MAP4K3: variants seen among roughly 807,000 people sequenced by gnomAD.
MAP4K3 encodes the protein mitogen-activated protein kinase kinase kinase kinase 3, also known as MAPK/ERK kinase kinase kinase 3.
Under a neutral mutation model 143.5 loss-of-function variants are expected in MAP4K3, and 94 were observed. That is an observed-to-expected ratio of 0.65 (90% CI 0.55 to 0.78). The LOEUF (loss-of-function observed/expected upper bound fraction) is 0.78. Ranked by LOEUF, MAP4K3 falls within the 30% of genes least tolerant of loss-of-function variation. MAP4K3 has a pLI of 0.00. For synonymous variants in MAP4K3, 416 were observed against 347.2 expected, an observed-to-expected ratio of 1.20 and a Z score of -2.20; for missense variants, 1,077 against 1,068.1, an observed-to-expected ratio of 1.01 and a Z score of -0.12.
At chr2:39,409,522 A>G (rs1037722949) in intron 1 of MAP4K3, among the ~76,000 whole-genome samples, 2 of 151,820 alleles carry the variant, frequency 1.3e-5, no homozygotes, top group Non-Finnish European at 2.9e-5. Context: ...TGAACCCAGA[A>G]GTTTGAGTCC....
At chr2:39,435,976 T>C (rs1463123028) in intron 1 of MAP4K3, among the ~76,000 whole-genome samples, 1 of 152,244 alleles carries the variant, frequency 6.6e-6, no homozygotes, top group African/African-American at 2.4e-5. Context: ...TTAAGTTTCT[T>C]TGTGCATCCT....
chr2:39,263,506 C>A (rs1250153719), intron 28 of MAP4K3, among the ~76,000 whole-genome samples: 1 of 150,946 alleles, frequency 6.6e-6, no homozygotes, highest in African/African-American at 2.4e-5. Flanking sequence ...GTCTCGATCT[C>A]CTGACCTCGT....
At chr2:39,356,735 G>A (rs944419553) in intron 2 of MAP4K3, among the ~76,000 whole-genome samples, 1 of 152,188 alleles carries the variant, frequency 6.6e-6, no homozygotes, top group Non-Finnish European at 1.5e-5. Context: ...TTAGAACAGT[G>A]CCTGGCATGG....
chr2:39,282,324 T>C (rs1388388446), intron 22 of MAP4K3, among the ~76,000 whole-genome samples, 189 bp downstream of exon 22: 7 of 152,040 alleles, frequency 4.6e-5, no homozygotes, highest in East Asian at 1.9e-4. Flanking sequence ...ATGGTGAAAC[T>C]CTGTCTCTAT....
intron 12 of MAP4K3, among the ~76,000 whole-genome samples, chr2:39,321,342 T>C (rs1683293436): frequency 6.6e-6 from 1 of 152,220 alleles, no homozygotes; most frequent in African/African-American, 2.4e-5. Context: ...CAGGGTTAAA[T>C]GGATTAAGGG....
intron 20 of MAP4K3, among the ~76,000 whole-genome samples, chr2:39,287,313 G>C (rs1345397204): frequency 7.2e-6 from 1 of 139,138 alleles, no homozygotes; most frequent in African/African-American, 2.7e-5. Flanking sequence ...TTTTTTTTGA[G>C]AAGGAGTTTT....
At chr2:39,279,224 G>A (rs1285419566) in intron 23 of MAP4K3, among the ~76,000 whole-genome samples, 1 of 152,144 alleles carries the variant, frequency 6.6e-6, no homozygotes, top group Non-Finnish European at 1.5e-5. Context: ...ACTGAAGTAC[G>A]CTGAGAACAG....
chr2:39,283,418 G>C (rs1681624377), intron 21 of MAP4K3, among the ~76,000 whole-genome samples: 1 of 151,928 alleles, frequency 6.6e-6, no homozygotes, highest in East Asian at 1.9e-4. Context: ...GTGTTTATTT[G>C]CTATCTGTAT....
chr2:39,348,919 C>G (rs1371243593), intron 3 of MAP4K3, among the ~76,000 whole-genome samples: 2 of 152,114 alleles, frequency 1.3e-5, no homozygotes, highest in Non-Finnish European at 2.9e-5. Flanking sequence ...ACTGACCAAA[C>G]TAAGTATAAT....
At chr2:39,377,000 T>C (rs975433830) in intron 2 of MAP4K3, among the ~76,000 whole-genome samples, 1 of 152,162 alleles carries the variant, frequency 6.6e-6, no homozygotes, top group Non-Finnish European at 1.5e-5. Context: ...TATGTATAAC[T>C]GGAAAATTTT....
intron 21 of MAP4K3, among the ~76,000 whole-genome samples, chr2:39,285,988 G>C (rs549414461): frequency 2.7e-4 from 41 of 152,264 alleles, no homozygotes; most frequent in African/African-American, 9.9e-4. Context: ...TTTGTGATAG[G>C]AGTAGCTGCT....
At chr2:39,302,935 T>A (rs1480495033) in intron 15 of MAP4K3, 1 of 165,358 alleles carries the variant, frequency 6.0e-6, no homozygotes, top group Non-Finnish European at 1.5e-5. Context: ...AGATGGAATT[T>A]CTAAGAACAC....
rs1271453151 is a variant in MAP4K3 at position 39,292,898 on chromosome 2, T to A, written c.1218-72A>T. The A allele has an allele frequency of 5.5e-5, 71 of 1,290,610 alleles. 1 individual carries two copies. The South Asian group carries it at 8.5e-4, about 16-fold the overall frequency. The allele number at this position is 1,290,610 out of a possible 1,614,324, so 79.9% of individuals were successfully genotyped here. On this transcript the variant is annotated intron_variant, in intron 17 of 33. Transcript: ENST00000263881. ...AACAGTAAGAAGAAATTTTAGAAAA[T>A]GCAGGAAAAGCTACTGTAAGATAAA... is the stretch of plus-strand genomic sequence containing the variant.
chr2:39,307,959 G>A lies in MAP4K3; in HGVS notation c.1103C>T (p.Thr368Ile), dbSNP rs904596743. The change falls in exon 15 of 34, where the codon ACT becomes ATT. Residue 368 changes from threonine to isoleucine, a missense_variant. Physicochemically the swap from Thr to Ile is moderately conservative, Grantham distance 89. Transcript: ENST00000263881. ...FLDSSEEIYY[T>I]ARSNLDLQLE... ...GAGAAATACCAGATTAGATCTTGCA[G>A]TGTAGTATATTTCTTCTGAACTGTC... is the stretch of plus-strand genomic sequence containing the variant. The A allele has an allele frequency of 1.6e-5, 26 of 1,589,140 alleles. No individual in the cohort carries two copies. Among genetic ancestry groups the A allele is most frequent in the Middle Eastern group, 1.7e-4 (1 of 6,024 alleles).
chr2:39,295,090 T>A (rs983016924), intron 16 of MAP4K3, among the ~76,000 whole-genome samples: 2 of 152,000 alleles, frequency 1.3e-5, no homozygotes, highest in Admixed American at 1.3e-4. Flanking sequence ...TTATTTTGTC[T>A]CATAAAAAAT....
chr2:39,290,893 A>G (rs1013422845), intron 18 of MAP4K3, among the ~76,000 whole-genome samples: 1 of 152,202 alleles, frequency 6.6e-6, no homozygotes, highest in East Asian at 1.9e-4. Context: ...CGTGGTTAAC[A>G]TGGTGAAACA....
At chr2:39,336,239 G>A (rs566612413) in intron 6 of MAP4K3, among the ~76,000 whole-genome samples, 3 of 152,084 alleles carry the variant, frequency 2.0e-5, no homozygotes, top group South Asian at 2.1e-4. Context: ...TTAGGAGGCC[G>A]AGGTGGGATG....
chr2:39,289,967 A>T lies in MAP4K3; in HGVS notation c.1314+325T>A, dbSNP rs529393237. ...CTGGACCTGGTGGTGGGTGCCTGTA[A>T]TCCCAGCTACTGGGGAGGCTGAGGC... is the stretch of plus-strand genomic sequence containing the variant. On this transcript the variant is annotated intron_variant, in intron 19 of 33. Transcript: ENST00000263881. Among the ~76,000 whole-genome samples the T allele has an allele frequency of 8.0e-4, 121 of 152,156 alleles. 1 individual carries two copies. Among genetic ancestry groups the T allele is most frequent in the Non-Finnish European group, 1.4e-3 (95 of 67,976 alleles).
chr2:39,293,568 CA>C (rs1218426137), intron 16 of MAP4K3, among the ~76,000 whole-genome samples: 1 of 152,086 alleles, frequency 6.6e-6, no homozygotes, highest in East Asian at 1.9e-4. Flanking sequence ...TGGAATGTCA[CA>C]ACAGTACTGA....
Sources: allele counts gnomAD v4.1 joint callset (sites outside exome capture counted in the v4.1 genomes callset), GRCh38; gene constraint gnomAD v4.1.1; transcripts MANE v1.5; gene names NCBI Gene and HGNC (gene_info 2026-07-23, HGNC 2026-07-21).